STK31: variants seen among roughly 807,000 people sequenced by gnomAD.
STK31 encodes serine/threonine-protein kinase 31.
In STK31, 89 loss-of-function variants were observed where a neutral mutation model predicts 129.7. The ratio of observed to expected loss-of-function variants is 0.69; its 90% CI spans 0.58 to 0.82. The LOEUF (loss-of-function observed/expected upper bound fraction) is 0.82. Ranked by LOEUF, STK31 falls within the 40% of genes least tolerant of loss-of-function variation. The probability of loss-of-function intolerance (pLI) is 0.00; values close to 1 mark genes in which losing one functional copy is unlikely to be tolerated. For synonymous variants in STK31, 448 were observed against 395.3 expected (o/e 1.13, Z -1.58); for missense variants, 1,187 against 1,176.4 (o/e 1.01, Z -0.13).
chr7:23,772,126 A>G (rs1054347486), intron 14 of STK31, 21 bp from the exon 15 acceptor site: 1 of 1,507,658 alleles, frequency 6.6e-7, no homozygotes, highest in Non-Finnish European at 9.0e-7. Flanking sequence ...GTTTGAAAAT[A>G]CGTAACTTTT....
chr7:23,824,789 TGA>T (rs1304783987), intron 23 of STK31, among the ~76,000 whole-genome samples: 1 of 151,644 alleles, frequency 6.6e-6, no homozygotes, highest in Non-Finnish European at 1.5e-5. Context: ...CCTAATTTAT[TGA>T]GAGTCTTTAG....
intron 22 of STK31, among the ~76,000 whole-genome samples, chr7:23,797,493 A>C (rs2128118385): frequency 6.6e-6 from 1 of 152,284 alleles, no homozygotes; most frequent in South Asian, 2.1e-4. Flanking sequence ...AAACTGAACA[A>C]CCTGCTCCTG....
intron 22 of STK31, among the ~76,000 whole-genome samples, chr7:23,800,274 A>G (rs1028596569): frequency 6.6e-6 from 1 of 152,242 alleles, no homozygotes; most frequent in Non-Finnish European, 1.5e-5. Context: ...CTATAAAGAC[A>G]TGCACACTTA....
intron 1 of STK31, 185 bp downstream of exon 1, chr7:23,710,520 G>T: frequency 1.4e-6 from 2 of 1,452,572 alleles, no homozygotes. Flanking sequence ...GCAGGCAGGC[G>T]AAAGTGGCTC....
chr7:23,733,027 GTTAT>G (rs1173965597), intron 6 of STK31, among the ~76,000 whole-genome samples: 1 of 151,972 alleles, frequency 6.6e-6, no homozygotes, highest in Non-Finnish European at 1.5e-5. Context: ...GACTGTATTT[GTTAT>G]TTATACTGAT....
intron 23 of STK31, among the ~76,000 whole-genome samples, chr7:23,820,454 T>A (rs1793730351): frequency 6.6e-6 from 1 of 152,236 alleles, no homozygotes; most frequent in South Asian, 2.1e-4. Context: ...TTTTGTAACT[T>A]GTATGGAATG....
At chr7:23,813,998 G>A (rs1202749673) in intron 22 of STK31, among the ~76,000 whole-genome samples, 1 of 152,022 alleles carries the variant, frequency 6.6e-6, no homozygotes, top group South Asian at 2.1e-4. Context: ...TATTGACAGG[G>A]AGGTTTCCAG....
chr7:23,775,792 TC>T (rs1790502114), intron 15 of STK31, among the ~76,000 whole-genome samples: 1 of 152,206 alleles, frequency 6.6e-6, no homozygotes, highest in Non-Finnish European at 1.5e-5. Flanking sequence ...CAATTTGACT[TC>T]CTGTCTTCTT....
At chr7:23,808,943 T>TTATGTG (rs71552258) in intron 22 of STK31, among the ~76,000 whole-genome samples, 4 of 84,436 alleles carry the variant, frequency 4.7e-5, no homozygotes, top group Admixed American at 2.8e-4. Flanking sequence ...CTTGGAGCTT[T>TTATGTG]TGTGTGTGTG....
intron 23 of STK31, among the ~76,000 whole-genome samples, chr7:23,821,438 T>C (rs879348148): frequency 3.3e-5 from 5 of 152,228 alleles, no homozygotes; most frequent in African/African-American, 9.6e-5. Flanking sequence ...ATTTTTCATA[T>C]ACTTATTGGT....
intron 6 of STK31, among the ~76,000 whole-genome samples, chr7:23,732,936 C>T (rs1162755920): frequency 1.3e-5 from 2 of 152,102 alleles, no homozygotes; most frequent in Non-Finnish European, 2.9e-5. Flanking sequence ...TGATTAAAAT[C>T]CTAACATATA....
intron 8 of STK31, among the ~76,000 whole-genome samples, chr7:23,744,452 C>A (rs184026268): frequency 6.6e-6 from 1 of 151,952 alleles, no homozygotes; most frequent in Non-Finnish European, 1.5e-5. Flanking sequence ...TTCAGAATTT[C>A]TTTTTGATTA....
intron 10 of STK31, among the ~76,000 whole-genome samples, chr7:23,760,476 A>T (rs1291455889): frequency 6.6e-6 from 1 of 152,212 alleles, no homozygotes; most frequent in African/African-American, 2.4e-5. Flanking sequence ...TATGGGAGAA[A>T]GAAGATGACA....
chr7:23,783,448 G>C (rs1791059311), intron 16 of STK31, 135 bp from the exon 17 acceptor site: 1 of 540,842 alleles, frequency 1.8e-6, no homozygotes, highest in African/African-American at 2.0e-5. Context: ...TCTTGAAGTA[G>C]AAGGCAAAAT....
At chr7:23,824,776 A>G (rs1237157190) in intron 23 of STK31, among the ~76,000 whole-genome samples, 2 of 151,918 alleles carry the variant, frequency 1.3e-5, no homozygotes. Context: ...CATCCCATCA[A>G]TACCTAATTT....
At chr7:23,828,936 T>C (rs946911302) in intron 23 of STK31, among the ~76,000 whole-genome samples, 2 of 151,944 alleles carry the variant, frequency 1.3e-5, no homozygotes, top group African/African-American at 4.8e-5. Flanking sequence ...GTTTCGTTCG[T>C]GTTGCCCAGC....
At chr7:23,727,499 G>A in intron 5 of STK31, 184 bp downstream of exon 5, 1 of 447,934 alleles carries the variant, frequency 2.2e-6, no homozygotes, top group Non-Finnish European at 4.1e-6. Context: ...GATTATTCAA[G>A]AATAGATTAT....
At position 23,769,099 on chromosome 7, in the gene STK31, G is replaced by T. The variant is rs767237282; in HGVS notation, c.1521G>T (p.Glu507Asp). The T allele has an allele frequency of 1.9e-5, 30 of 1,613,174 alleles. No homozygotes were observed. In the East Asian group the frequency reaches 6.7e-4, roughly 36 times the overall value. The change falls in exon 12 of 24, where the codon GAG becomes GAT. Residue 507 changes from glutamate (E) to aspartate (D), a missense_variant. By Grantham distance (45) the Glu-to-Asp change is conservative. Transcript: ENST00000355870. ...KFYDWKCDKREEFTSVRSETD... is the reference protein window; with the variant it reads ...KFYDWKCDKRDEFTSVRSETD... ...ATGACTGGAAGTGTGATAAAAGAGA[G>T]GAGTTCACCAGTGTTAGAAGTGAAA...
rs559483084 is a variant in STK31 at position 23,779,265 on chromosome 7, G to T, written c.1966-2154G>T. ...TGCTAGCCAGAGCTATCCTGTATGA[G>T]GTGTCTGTCGTCCCCTGCTGGGAGG... On this transcript the variant is annotated intron_variant, in intron 15 of 23. Coordinates refer to ENST00000355870, the MANE Select transcript of STK31 (RefSeq NM_031414.5). 8.5e-5 allele frequency among the ~76,000 whole-genome samples: 13 copies of T among 152,274 alleles called. No individual in the cohort carries two copies. The South Asian group carries it at 2.5e-3, about 29-fold the overall frequency.
Sources: gnomAD v4.1 joint callset for allele counts (sites outside exome capture counted in the v4.1 genomes callset) on GRCh38, gnomAD v4.1.1 for gene constraint, MANE v1.5 for transcripts, NCBI Gene and HGNC (gene_info 2026-07-23, HGNC 2026-07-21) for gene names.